CTBP2: variants seen among roughly 807,000 people sequenced by gnomAD.
The protein encoded by CTBP2 is C-terminal binding protein 2.
Under a neutral mutation model 80.3 loss-of-function variants are expected in CTBP2, and 30 were observed. The observed-to-expected ratio is 0.37, with a 90% CI of 0.28 to 0.51. The LOEUF is 0.51. Among genes scored for constraint, CTBP2 ranks in the 20% least tolerant of loss-of-function variants. CTBP2 has a pLI of 0.93. For synonymous variants in CTBP2, 594 were observed against 587.4 expected (o/e 1.01, Z -0.16); for missense variants, 1,212 against 1,375.3 (o/e 0.88, Z 1.88).
At position 124,991,526 on chromosome 10, in the gene CTBP2, C is replaced by T. The variant is rs993628146; in HGVS notation, c.2777+1169G>A. Among the ~76,000 whole-genome samples, 10 of 152,136 alleles carry T rather than the reference C, an allele frequency of 6.6e-5. No individual in the cohort carries two copies. The South Asian group carries it at 1.5e-3, about 22-fold the overall frequency. On this transcript the variant is annotated intron_variant, in intron 8 of 8. Coordinates refer to ENST00000309035, the MANE Select transcript of CTBP2 (RefSeq NM_022802.3). Reference sequence around the variant, plus strand: ...AGACAGCCATGTGACCTGCAAGCACCGGCATAGCTTCTTCAAGAGTGTCAG... The same window carrying T: ...AGACAGCCATGTGACCTGCAAGCACTGGCATAGCTTCTTCAAGAGTGTCAG...
chr10:125,087,818 C>T (rs1848219807), intron 2 of CTBP2, among the ~76,000 whole-genome samples: 1 of 152,250 alleles, frequency 6.6e-6, no homozygotes, highest in Admixed American at 6.5e-5. Flanking sequence ...TGGTGGACAG[C>T]TTATGTGGCT....
rs1352998617 is a variant in CTBP2, at chr10:124,987,551, T to C, written c.*1967A>G. 1.3e-5 allele frequency: 2 copies of C among 152,192 alleles called. No homozygotes were observed. Among genetic ancestry groups the C allele is most frequent in the Admixed American group, 6.5e-5 (1 of 15,276 alleles). 9.4% of individuals were successfully genotyped at this position (152,192 alleles called of 1,614,324 possible). A position where few individuals can be genotyped will look rare whatever the true frequency, so the allele number is the denominator to read the frequency against. On this transcript the variant is annotated 3_prime_UTR_variant, in exon 9 of 9. Transcript: ENST00000309035. ...TGGCCTCCTTTTCACGCATATTTCA[T>C]TGCCTCTTTGATGAGTGGTTACGAA...
intron 1 of CTBP2, chr10:125,006,146 C>A: frequency 2.1e-6 from 1 of 486,502 alleles, no homozygotes. Flanking sequence ...TCTACCCTCC[C>A]TGATGGCCGG....
At chr10:125,048,895 G>A (rs1055607717) in intron 2 of CTBP2, among the ~76,000 whole-genome samples, 4 of 152,178 alleles carry the variant, frequency 2.6e-5, no homozygotes, top group African/African-American at 9.7e-5. Context: ...TTTGCTGTGA[G>A]ACAAGTATGA....
chr10:125,063,885 T>C (rs1844219088), intron 2 of CTBP2, among the ~76,000 whole-genome samples: 1 of 151,940 alleles, frequency 6.6e-6, no homozygotes, highest in African/African-American at 2.4e-5. Context: ...TAGGGACCCC[T>C]GCAGCAACTC....
chr10:125,101,005 T>C (rs1046332904), intron 2 of CTBP2, among the ~76,000 whole-genome samples: 1 of 152,248 alleles, frequency 6.6e-6, no homozygotes, highest in Admixed American at 6.5e-5. Context: ...ATAAAAGTAA[T>C]GTGATATTAC....
intron 3 of CTBP2, 74 bp from the exon 6 acceptor site, chr10:124,998,244 C>A: frequency 1.3e-6 from 2 of 1,509,946 alleles, no homozygotes; most frequent in Non-Finnish European, 1.8e-6. Flanking sequence ...GCTCCCAGCC[C>A]GCCCTCCTGA....
At chr10:125,110,081 T>C (rs565938309) in intron 2 of CTBP2, among the ~76,000 whole-genome samples, 23 of 152,278 alleles carry the variant, frequency 1.5e-4, no homozygotes, top group African/African-American at 5.5e-4. Flanking sequence ...CTCCAGCAAC[T>C]CAGGAAGCCA....
In CTBP2 at chr10:125,026,149, C is replaced by A. The variant is rs200607400; in HGVS notation, c.1611G>T (p.Pro537=). 5 of 1,606,506 alleles carry A rather than the reference C, an allele frequency of 3.1e-6. No individual in the cohort carries two copies. The highest frequency in any genetic ancestry group is 2.7e-5 in the African/African-American group (2 of 74,884). Reference sequence around the variant, plus strand: ...CTGTGCGCCGGGCCACCTTCTGGTACGGTGAGTGAGGCGTGTGGAGGCTCT... The same window carrying A: ...CTGTGCGCCGGGCCACCTTCTGGTAAGGTGAGTGAGGCGTGTGGAGGCTCT... Residue 537 remains proline, a synonymous_variant, in exon 1 of 9, where the codon CCG becomes CCT. Coordinates refer to ENST00000309035, the MANE Select transcript of CTBP2 (RefSeq NM_022802.3).
chr10:125,127,630 C>A (rs900762711), intron 1 of CTBP2, among the ~76,000 whole-genome samples: 14 of 152,256 alleles, frequency 9.2e-5, no homozygotes, highest in Middle Eastern at 3.4e-3. Context: ...CTGACTCTTT[C>A]CAGCAATCTC....
chr10:125,044,209 G>A (rs1264690666), intron 2 of CTBP2, among the ~76,000 whole-genome samples: 2 of 152,180 alleles, frequency 1.3e-5, no homozygotes, highest in Non-Finnish European at 2.9e-5. Flanking sequence ...AGCCTACAGG[G>A]CCTCTCAGTG....
intron 2 of CTBP2, among the ~76,000 whole-genome samples, chr10:125,046,011 A>G (rs572957894): frequency 1.3e-5 from 2 of 152,214 alleles, no homozygotes; most frequent in Admixed American, 1.3e-4. Context: ...ACAGGGCTAC[A>G]ATCCACTTCC....
intron 3 of CTBP2, among the ~76,000 whole-genome samples, chr10:125,035,250 C>T (rs1337340435): frequency 3.9e-5 from 6 of 152,178 alleles, no homozygotes; most frequent in Non-Finnish European, 8.8e-5. Flanking sequence ...TCCTCATATC[C>T]ACCCAACCAG....
chr10:125,087,078 T>TC (rs1423217524), intron 2 of CTBP2, among the ~76,000 whole-genome samples: 2 of 147,662 alleles, frequency 1.4e-5, no homozygotes, highest in South Asian at 2.1e-4. Context: ...TTTCTTTCTT[T>TC]TTTTTTTTTT....
chr10:125,099,619 T>G (rs141889678), intron 2 of CTBP2, among the ~76,000 whole-genome samples: 22 of 152,322 alleles, frequency 1.4e-4, no homozygotes, highest in African/African-American at 5.3e-4. Flanking sequence ...TAGAAAACCA[T>G]CAACAAGTTT....
At chr10:125,061,608 T>C (rs1050401373) in intron 2 of CTBP2, among the ~76,000 whole-genome samples, 1 of 152,060 alleles carries the variant, frequency 6.6e-6, no homozygotes, top group African/African-American at 2.4e-5. Flanking sequence ...TGGGAGGATA[T>C]AACAGCGTCT....
chr10:125,152,711 C>T (rs1471347213), intron 1 of CTBP2, among the ~76,000 whole-genome samples: 1 of 152,122 alleles, frequency 6.6e-6, no homozygotes, highest in Non-Finnish European at 1.5e-5. Flanking sequence ...CCTAGTGTGA[C>T]TTCTATTCCG....
chr10:125,061,467 T>G (rs1964960598), intron 2 of CTBP2, among the ~76,000 whole-genome samples: 1 of 152,186 alleles, frequency 6.6e-6, no homozygotes, highest in Non-Finnish European at 1.5e-5. Context: ...GTACAGGCCC[T>G]GCAGCGCCAG....
intron 2 of CTBP2, among the ~76,000 whole-genome samples, chr10:125,092,144 G>A (rs1848848644): frequency 1.3e-5 from 2 of 149,082 alleles, no homozygotes; most frequent in Non-Finnish European, 3.0e-5. Context: ...AGATTACTAG[G>A]TCAAAGAGCA....
Sources: allele counts gnomAD v4.1 joint callset (sites outside exome capture counted in the v4.1 genomes callset), GRCh38; gene constraint gnomAD v4.1.1; transcripts MANE v1.5; gene names NCBI Gene and HGNC (gene_info 2026-07-23, HGNC 2026-07-21).